Variants in IQCN observed in about 807,000 individuals in gnomAD.
IQCN encodes IQ domain-containing protein N.
A neutral mutation model predicts 64.4 loss-of-function variants in IQCN; 46 were observed. The ratio of observed to expected loss-of-function variants is 0.71; its 90% CI spans 0.56 to 0.91. IQCN has a LOEUF of 0.91. Ranked by LOEUF, IQCN falls within the 40% of genes least tolerant of loss-of-function variation. The pLI is 0.00. For synonymous variants in IQCN, 733 were observed against 775.6 expected (o/e 0.95, Z 0.91); for missense variants, 1,753 against 1,857.4 (o/e 0.94, Z 1.03).
chr19:18,257,391 T>C lies in IQCN; in HGVS notation c.3893A>G (p.His1298Arg), dbSNP rs139487168. The change falls in exon 4 of 4, where the codon CAT becomes CGT. Residue 1298 changes from histidine (H) to arginine (R), a missense_variant. Coordinates refer to ENST00000392413, the MANE Select transcript of IQCN (RefSeq NM_001145304.2). ...QLAALSPRQP[H>R]RQDKAATAIQ... ...GGCTGTGGCCGCTTTGTCCTGGCGA[T>C]GCGGCTGCCTGGGACTCAGGGCAGC... The C allele has an allele frequency of 1.2e-3, 1,877 of 1,611,126 alleles. 3 individuals are homozygous for C. The highest frequency in any genetic ancestry group is 1.4e-3 in the Non-Finnish European group (1,706 of 1,179,614).
intron 1 of IQCN, among the ~76,000 whole-genome samples, chr19:18,271,362 T>C (rs1969731491): frequency 6.7e-6 from 1 of 149,940 alleles, no homozygotes; most frequent in African/African-American, 2.5e-5. Context: ...CCCAGCTACT[T>C]AGGAGGCTGA....
intron 1 of IQCN, among the ~76,000 whole-genome samples, chr19:18,270,812 C>T (rs568277380): frequency 6.8e-6 from 1 of 146,238 alleles, no homozygotes; most frequent in Non-Finnish European, 1.5e-5. Flanking sequence ...GCCACGGTGC[C>T]TGGCTGAGAC....
In IQCN at chr19:18,265,239, G is replaced by A; in HGVS notation, c.2301C>T (p.Ser767=). 1 of 1,613,286 alleles carries A rather than the reference G, an allele frequency of 6.2e-7. No homozygotes were observed. The highest frequency in any genetic ancestry group is 1.7e-5 in the Admixed American group (1 of 60,028). ...IPAHQAADLS[S]NTHSQVLLTG... The stretch of plus-strand genomic sequence containing the variant: ...TTAGGAGCACCTGGGAGTGGGTGTT[G>A]CTGCTGAGATCAGCAGCCTGGTGCG... Residue 767 remains serine (S), a synonymous_variant, in exon 3 of 4, where the codon AGC becomes AGT. Transcript: ENST00000392413. This position sits in a 1 kb window ranked among gnomAD's most constrained non-coding sequence, Gnocchi z 4.7.
Position 18,267,039 on chromosome 19 carries a change from G to A in IQCN, c.501C>T (p.Ala167=), listed in dbSNP as rs1460284926. Residue 167 remains alanine, a synonymous_variant, in exon 3 of 4, where the codon GCC becomes GCT. Transcript: ENST00000392413. ...GATGCTGGAAGCGCACCTGCTGTGGGGCGTGATAAGGTATGTCCCCCTCCT... is the reference window on the plus strand; with the variant it reads ...GATGCTGGAAGCGCACCTGCTGTGGAGCGTGATAAGGTATGTCCCCCTCCT... ...RAEEGDIPYH[A]PQQVRFQHPE... The A allele has an allele frequency of 3.7e-6, 6 of 1,614,122 alleles. No homozygotes were observed. The African/African-American group carries it at 4.0e-5, about 11-fold the overall frequency.
chr19:18,260,377 GAC>G lies in IQCN; in HGVS notation c.3178-2273_3178-2272del, dbSNP rs551758516. The G allele has an allele frequency of 2.7e-3, 405 of 152,690 alleles. 3 individuals carry two copies. The highest frequency in any genetic ancestry group is 3.4e-3 in the Middle Eastern group (1 of 294). The allele number at this position is 152,690 out of a possible 1,614,324, so 9.5% of individuals were successfully genotyped here. A position where few individuals can be genotyped will look rare whatever the true frequency, so the allele number is the denominator to read the frequency against. ...CTAACTGAAACAAACGCTGATGGGT[GAC>G]ACAGACACGGGGCTACTGAGTCCAC... is the stretch of plus-strand genomic sequence containing the variant. On this transcript the variant is annotated intron_variant, in intron 3 of 3. Transcript: ENST00000392413.
At chr19:18,270,490 C>T (rs1969712418) in intron 1 of IQCN, among the ~76,000 whole-genome samples, 1 of 151,800 alleles carries the variant, frequency 6.6e-6, no homozygotes, top group South Asian at 2.1e-4. Context: ...TAAAACCCGT[C>T]TCTACTAAAA....
intron 3 of IQCN, chr19:18,258,325 C>T: frequency 1.4e-6 from 1 of 703,454 alleles, no homozygotes; most frequent in East Asian, 2.7e-5. Flanking sequence ...ACGGGCCTTA[C>T]CTCTGCAGAG....
Position 18,264,774 on chromosome 19 carries a change from G to A in IQCN, c.2766C>T (p.Ala922=). The part of the protein sequence containing the change: ...NQALSKEVLG[A]TVTKALPQSM... ...TCTGGGGCAGGGCTTTGGTGACAGTGGCACCCAGGACCTCCTTGGACAGGG... is the reference window on the plus strand; with the variant it reads ...TCTGGGGCAGGGCTTTGGTGACAGTAGCACCCAGGACCTCCTTGGACAGGG... Residue 922 remains alanine (A), a synonymous_variant, in exon 3 of 4, where the codon GCC becomes GCT. Transcript: ENST00000392413. The surrounding 1 kb of genome is among the most constrained non-coding windows in gnomAD (Gnocchi z 4.3). 1.3e-6 allele frequency: 2 copies of A among 1,551,324 alleles called. No individual in the cohort carries two copies. Among genetic ancestry groups the A allele is most frequent in the Non-Finnish European group, 1.7e-6 (2 of 1,147,006 alleles).
At position 18,274,422 on chromosome 19, in the gene IQCN, T is replaced by TA. The variant is rs1969808104; in HGVS notation, c.-130dup. On this transcript the variant is annotated 5_prime_UTR_variant, in exon 1 of 4. Coordinates refer to ENST00000392413, the MANE Select transcript of IQCN (RefSeq NM_001145304.2). ...ACTCACCTGCCCCTGAAGCTAAACC[T>TA]AGCAGTCTGAACGGCCAGTCTTGGA... is the stretch of plus-strand genomic sequence containing the variant. 7.1e-6 allele frequency: 1 copy of TA among 140,672 alleles called. No individual in the cohort carries two copies. The highest frequency in any genetic ancestry group is 1.5e-5 in the Non-Finnish European group (1 of 66,296). 8.7% of individuals were successfully genotyped at this position (140,672 alleles called of 1,614,324 possible).
chr19:18,266,950 C>T lies in IQCN; in HGVS notation c.590G>A (p.Cys197Tyr), dbSNP rs984524558. 1.9e-6 allele frequency: 3 copies of T among 1,611,990 alleles called. No individual in the cohort carries two copies. Among genetic ancestry groups the T allele is most frequent in the East Asian group, 4.5e-5 (2 of 44,866 alleles). ...GGGTCTGCAGAGGACCAGATTGTCACAGGAAGGGAACTGGGTCTCCTTGTT... is the reference window on the plus strand; with the variant it reads ...GGGTCTGCAGAGGACCAGATTGTCATAGGAAGGGAACTGGGTCTCCTTGTT... ...MVNKETQFPSCDNLVLCRPQS... is the reference protein window; with the variant it reads ...MVNKETQFPSYDNLVLCRPQS... Residue 197 changes from cysteine (C) to tyrosine (Y), a missense_variant, in exon 3 of 4, where the codon TGT (cysteine) becomes TAT (tyrosine). Coordinates refer to ENST00000392413, the MANE Select transcript of IQCN (RefSeq NM_001145304.2). This position sits in a 1 kb window ranked among gnomAD's most constrained non-coding sequence, Gnocchi z 4.3.
At chr19:18,267,799 T>G in intron 2 of IQCN, 1 of 290,872 alleles carries the variant, frequency 3.4e-6, no homozygotes. Flanking sequence ...TTTCTTTTTT[T>G]TTTTTTTTTT....
At position 18,264,383 on chromosome 19, in the gene IQCN, C is replaced by T. The variant is rs772863322; in HGVS notation, c.3157G>A (p.Val1053Met). The change falls in exon 3 of 4, where the codon GTG becomes ATG. Residue 1053 changes from valine to methionine, a missense_variant. Transcript: ENST00000392413. This position sits in a 1 kb window ranked among gnomAD's most constrained non-coding sequence, Gnocchi z 4.3. ...CTGACCTTGCTGGTCTGTGGTCTCA[C>T]GGGGCCCAGGGAGGGCCCCCATGCG... ...SAAWGPSLGPVRPQTSKGPAD... is the reference protein window; with the variant it reads ...SAAWGPSLGPMRPQTSKGPAD... 1.5e-5 allele frequency: 23 copies of T among 1,503,864 alleles called. No individual in the cohort carries two copies. In the South Asian group the frequency reaches 1.8e-4, roughly 12 times the overall value. The allele number at this position is 1,503,864 out of a possible 1,614,324, so 93.2% of individuals were successfully genotyped here.
chr19:18,258,491 G>A (rs779392492), intron 3 of IQCN: 8 of 478,316 alleles, frequency 1.7e-5, no homozygotes, highest in East Asian at 6.0e-5. Flanking sequence ...GGCCCATGGC[G>A]TCCCAGCGGC....
intron 2 of IQCN, chr19:18,267,773 T>A: frequency 2.6e-6 from 1 of 386,130 alleles, no homozygotes; most frequent in Non-Finnish European, 4.5e-6. Flanking sequence ...ACCACTTACC[T>A]GCTTTTCTTT....
Position 18,267,245 on chromosome 19 carries a change from T to C in IQCN, c.295A>G (p.Met99Val), listed in dbSNP as rs758014164. The C allele has an allele frequency of 2.5e-6, 4 of 1,614,254 alleles. No homozygotes were observed. In the Admixed American group the frequency reaches 5.0e-5, roughly 20 times the overall value. ...QAFKNILVDE[M>V]DMMHARAATL... ...GCTGCACGGGCGTGCATCATGTCCA[T>C]CTCGTCTACCAGGATGTTCTTGAAG... Residue 99 changes from methionine (M) to valine (V), a missense_variant, in exon 3 of 4, where the codon ATG (methionine) becomes GTG (valine). By Grantham distance (21) the Met-to-Val change is conservative. Coordinates refer to ENST00000392413, the MANE Select transcript of IQCN (RefSeq NM_001145304.2).
chr19:18,268,049 C>G (rs996595187), intron 2 of IQCN: 2 of 152,464 alleles, frequency 1.3e-5, no homozygotes, highest in Non-Finnish European at 2.9e-5. Flanking sequence ...CCACCTGACT[C>G]AGCCTCCCAA....
chr19:18,273,471 G>A (rs1289453972), intron 1 of IQCN, among the ~76,000 whole-genome samples: 2 of 152,190 alleles, frequency 1.3e-5, no homozygotes, highest in Non-Finnish European at 2.9e-5. Context: ...CAAATAGCTA[G>A]GATTACAGGC....
In IQCN at chr19:18,265,566, G is replaced by A. The variant is rs758439660; in HGVS notation, c.1974C>T (p.Pro658=). The A allele has an allele frequency of 5.0e-6, 8 of 1,611,830 alleles. No individual in the cohort carries two copies. The highest frequency in any genetic ancestry group is 6.8e-6 in the Non-Finnish European group (8 of 1,178,494). The change falls in exon 3 of 4, where the codon CCC becomes CCT. Residue 658 remains proline, a synonymous_variant. Transcript: ENST00000392413. The surrounding 1 kb of genome is among the most constrained non-coding windows in gnomAD (Gnocchi z 4.7). ...YVPVDMAVTL[P]RGQLAAPLTN... is the part of the protein sequence containing the mutation. ...TCAGTGGGGCAGCCAGCTGTCCCCGGGGCAGGGTGACAGCCATGTCTACAG... is the reference window on the plus strand; with the variant it reads ...TCAGTGGGGCAGCCAGCTGTCCCCGAGGCAGGGTGACAGCCATGTCTACAG...
chr19:18,266,916 GGAC>G lies in IQCN; in HGVS notation c.621_623del (p.Ser208del), dbSNP rs773755324. On this transcript the variant is annotated inframe_deletion, in exon 3 of 4. Coordinates refer to ENST00000392413, the MANE Select transcript of IQCN (RefSeq NM_001145304.2). The surrounding 1 kb of genome is among the most constrained non-coding windows in gnomAD (Gnocchi z 4.3). ...GAGCTGCTGGGGGCTGCAGGAGGGGGGACGACTGGGGTCTGCAGAGGACCAGAT... is the reference window on the plus strand; with the variant it reads ...GAGCTGCTGGGGGCTGCAGGAGGGGGGACTGGGGTCTGCAGAGGACCAGAT... 1.9e-6 allele frequency: 3 copies of G among 1,606,824 alleles called. No homozygotes were observed. The highest frequency in any genetic ancestry group is 1.1e-5 in the South Asian group (1 of 90,416).
Sources: allele counts gnomAD v4.1 joint callset (sites outside exome capture counted in the v4.1 genomes callset), GRCh38; gene constraint gnomAD v4.1.1; non-coding constraint Gnocchi (gnomAD v3.1); transcripts MANE v1.5; gene names NCBI Gene and HGNC (gene_info 2026-07-23, HGNC 2026-07-21).